CYP7B1: variants seen among roughly 807,000 people sequenced by gnomAD.
The protein encoded by CYP7B1 is cytochrome P450 7B1.
In CYP7B1, 29 loss-of-function variants were observed where a neutral mutation model predicts 42.7. The ratio of observed to expected loss-of-function variants is 0.68; its 90% CI spans 0.51 to 0.93. The LOEUF (loss-of-function observed/expected upper bound fraction) is 0.93. CYP7B1 is among the 40% of genes least tolerant of loss of function. CYP7B1 has a pLI of 0.00. For missense variants in CYP7B1, 655 were observed against 600.5 expected, an observed-to-expected ratio of 1.09 and a Z score of -0.95; for synonymous variants, 235 against 218.2, an observed-to-expected ratio of 1.08 and a Z score of -0.68.
intron 1 of CYP7B1, among the ~76,000 whole-genome samples, chr8:64,646,153 TC>T (rs1370660250): frequency 6.6e-6 from 1 of 151,912 alleles, no homozygotes; most frequent in African/African-American, 2.4e-5. Context: ...GGACTTCATG[TC>T]TAAAACACCA....
chr8:64,740,171 T>C (rs1807547625), intron 1 of CYP7B1, among the ~76,000 whole-genome samples: 1 of 152,104 alleles, frequency 6.6e-6, no homozygotes, highest in Non-Finnish European at 1.5e-5. Flanking sequence ...GACCACATCC[T>C]GGGCTGTAAG....
chr8:64,740,276 A>G (rs1807548931), intron 1 of CYP7B1, among the ~76,000 whole-genome samples: 1 of 152,026 alleles, frequency 6.6e-6, no homozygotes, highest in African/African-American at 2.4e-5. Context: ...AAGCTGAAAA[A>G]TCTCCACATA....
chr8:64,664,170 T>C (rs1806240960), intron 1 of CYP7B1, among the ~76,000 whole-genome samples: 1 of 151,918 alleles, frequency 6.6e-6, no homozygotes, highest in African/African-American at 2.4e-5. Context: ...TAAGGGTGCA[T>C]GGGTGTGCAC....
chr8:64,622,532 A>G (rs1397988683), intron 2 of CYP7B1, among the ~76,000 whole-genome samples: 1 of 152,230 alleles, frequency 6.6e-6, no homozygotes, highest in African/African-American at 2.4e-5. Flanking sequence ...GCAAGGCTGA[A>G]GTCTGGTTAT....
chr8:64,797,547 T>C (rs188190547), intron 1 of CYP7B1, among the ~76,000 whole-genome samples: 6 of 152,208 alleles, frequency 3.9e-5, no homozygotes, highest in Admixed American at 2.0e-4. Flanking sequence ...AGAGTACTCA[T>C]CTCCAGGCAT....
At chr8:64,604,936 T>C (rs1805257643) in intron 4 of CYP7B1, 79 bp from the exon 5 acceptor site, 2 of 1,426,558 alleles carry the variant, frequency 1.4e-6, no homozygotes, top group Admixed American at 1.9e-5. Flanking sequence ...ATAAAACTCA[T>C]TACTAATAGC....
rs1013939926 is a variant in CYP7B1 at position 64,648,344 on chromosome 8, T to G, written c.123-23805A>C. The stretch of plus-strand genomic sequence containing the variant: ...CCCCTTTTCCCTGTATATCTGGTCC[T>G]CATATACCCTTGCCAAAGGAATATG... On this transcript the variant is annotated intron_variant, in intron 1 of 5. Coordinates refer to ENST00000310193, the MANE Select transcript of CYP7B1 (RefSeq NM_004820.5). Among the ~76,000 whole-genome samples, 6 of 152,232 alleles carry G rather than the reference T, an allele frequency of 3.9e-5. 1 individual carries two copies. Among genetic ancestry groups the G allele is most frequent in the South Asian group, 4.1e-4 (2 of 4,826 alleles).
chr8:64,725,069 G>A (rs957227904), intron 1 of CYP7B1, among the ~76,000 whole-genome samples: 2 of 152,136 alleles, frequency 1.3e-5, no homozygotes, highest in African/African-American at 4.8e-5. Context: ...ACAGATGGGA[G>A]GCCTTGTTGG....
intron 1 of CYP7B1, among the ~76,000 whole-genome samples, chr8:64,633,255 T>C (rs2129630771): frequency 6.6e-6 from 1 of 152,304 alleles, no homozygotes; most frequent in Non-Finnish European, 1.5e-5. Flanking sequence ...AAGTAGCTGA[T>C]ATACACAGCA....
chr8:64,642,912 T>C (rs1047452879), intron 1 of CYP7B1, among the ~76,000 whole-genome samples: 35 of 151,776 alleles, frequency 2.3e-4, no homozygotes, highest in African/African-American at 8.5e-4. Context: ...TATAAATCAT[T>C]TGGACATATG....
At chr8:64,784,807 A>G (rs1004986269) in intron 1 of CYP7B1, among the ~76,000 whole-genome samples, 1 of 152,200 alleles carries the variant, frequency 6.6e-6, no homozygotes, top group African/African-American at 2.4e-5. Flanking sequence ...CACTTTACGA[A>G]AAAAAGTTAA....
chr8:64,709,512 G>T (rs895648242), intron 1 of CYP7B1, among the ~76,000 whole-genome samples: 2 of 152,208 alleles, frequency 1.3e-5, no homozygotes, highest in South Asian at 2.1e-4. Context: ...ATATGTAAAT[G>T]TATTAGTCAA....
At chr8:64,705,604 G>A (rs972924594) in intron 1 of CYP7B1, among the ~76,000 whole-genome samples, 10 of 151,758 alleles carry the variant, frequency 6.6e-5, no homozygotes, top group African/African-American at 2.4e-4. Context: ...GGGGTGAGGG[G>A]AGTAATAGAA....
At chr8:64,732,290 C>T (rs1807423346) in intron 1 of CYP7B1, among the ~76,000 whole-genome samples, 1 of 152,220 alleles carries the variant, frequency 6.6e-6, no homozygotes, top group South Asian at 2.1e-4. Context: ...CCACCTCTTG[C>T]AGCAGTGTGA....
intron 1 of CYP7B1, among the ~76,000 whole-genome samples, chr8:64,771,840 G>A (rs1401658515): frequency 6.6e-6 from 1 of 152,220 alleles, no homozygotes; most frequent in East Asian, 1.9e-4. Context: ...CCATGCAGCT[G>A]AACATGGACA....
At chr8:64,712,068 T>C (rs1371772649) in intron 1 of CYP7B1, among the ~76,000 whole-genome samples, 1 of 152,120 alleles carries the variant, frequency 6.6e-6, no homozygotes, top group Non-Finnish European at 1.5e-5. Flanking sequence ...CTGGCACATG[T>C]TGACAATTAA....
chr8:64,749,875 G>A (rs921501416), intron 1 of CYP7B1, among the ~76,000 whole-genome samples: 1 of 152,134 alleles, frequency 6.6e-6, no homozygotes, highest in African/African-American at 2.4e-5. Flanking sequence ...GGGAAAATAT[G>A]ATACGGGAGT....
chr8:64,675,257 A>G (rs541822274), intron 1 of CYP7B1, among the ~76,000 whole-genome samples: 8 of 152,048 alleles, frequency 5.3e-5, no homozygotes, highest in Non-Finnish European at 1.2e-4. Context: ...TCATTTCAAC[A>G]GTAGATTCTA....
intron 4 of CYP7B1, among the ~76,000 whole-genome samples, chr8:64,611,953 A>T (rs1805369855): frequency 6.6e-6 from 1 of 152,170 alleles, no homozygotes; most frequent in Non-Finnish European, 1.5e-5. Context: ...AACAACAGAT[A>T]ACATTTATTG....
Sources: gnomAD v4.1 joint callset for allele counts (sites outside exome capture counted in the v4.1 genomes callset) on GRCh38, gnomAD v4.1.1 for gene constraint, MANE v1.5 for transcripts, NCBI Gene and HGNC (gene_info 2026-07-23, HGNC 2026-07-21) for gene names.